The following SCRG1 variants were observed in gnomAD, a reference collection of about 807,000 sequenced individuals.
SCRG1 encodes stimulator of chondrogenesis 1.
A neutral mutation model predicts 7.7 loss-of-function variants in SCRG1; 3 were observed. That is an observed-to-expected ratio of 0.39 (90% CI 0.18 to 1.01). The LOEUF is 1.01. SCRG1 is among the 50% of genes least tolerant of loss of function. The probability of loss-of-function intolerance (pLI) is 0.36; values close to 1 mark genes in which losing one functional copy is unlikely to be tolerated. For missense variants in SCRG1, 110 were observed against 117.2 expected (o/e 0.94, Z 0.28); for synonymous variants, 46 against 41.2 (o/e 1.12, Z -0.44).
At chr4:173,394,512 C>G (rs935582796) in intron 1 of SCRG1, among the ~76,000 whole-genome samples, 4 of 151,978 alleles carry the variant, frequency 2.6e-5, no homozygotes, top group Non-Finnish European at 5.9e-5. Context: ...GGCGTGGTGG[C>G]GAGCGCCTGT....
At chr4:173,425,226 T>C in the SCRG1 span, among the ~76,000 whole-genome samples, 1 of 152,218 alleles carries the variant, frequency 6.6e-6, no homozygotes, top group Non-Finnish European at 1.5e-5. Context: ...TACCAGTAAG[T>C]TGTCAATTTC....
At chr4:173,421,896 CT>C in the SCRG1 span, among the ~76,000 whole-genome samples, 3 of 152,076 alleles carry the variant, frequency 2.0e-5, no homozygotes, top group Non-Finnish European at 4.4e-5. Flanking sequence ...TCTTCCTCTC[CT>C]TTTTGTTTTC....
At chr4:173,409,888 C>T (rs1485494598), upstream of SCRG1, among the ~76,000 whole-genome samples, 1 of 152,068 alleles carries the variant, frequency 6.6e-6, no homozygotes, top group East Asian at 1.9e-4. Context: ...TGCATCCAGC[C>T]TCCCTGCATA....
the SCRG1 span, among the ~76,000 whole-genome samples, chr4:173,417,127 CAG>C: frequency 4.0e-5 from 6 of 151,650 alleles, no homozygotes; most frequent in South Asian, 2.1e-4. Flanking sequence ...CACACACAGA[CAG>C]AGAGACACAC....
chr4:173,502,524 T>C, the SCRG1 span, among the ~76,000 whole-genome samples: 1 of 152,178 alleles, frequency 6.6e-6, no homozygotes, highest in Non-Finnish European at 1.5e-5. This position sits in a 1 kb window ranked among gnomAD's most constrained non-coding sequence, Gnocchi z 4.6. Flanking sequence ...CTGGCTCCTT[T>C]CCTTTCTAAG....
chr4:173,443,898 A>G, the SCRG1 span, among the ~76,000 whole-genome samples: 2 of 151,576 alleles, frequency 1.3e-5, no homozygotes, highest in Admixed American at 1.3e-4. Flanking sequence ...CGTGTCATAT[A>G]TACTGTTAGC....
chr4:173,425,148 T>C, the SCRG1 span, among the ~76,000 whole-genome samples: 1 of 152,192 alleles, frequency 6.6e-6, no homozygotes, highest in Admixed American at 6.5e-5. Context: ...TGTAACATCA[T>C]TGGAAAAACT....
chr4:173,484,346 A>ATAATATT, the SCRG1 span, among the ~76,000 whole-genome samples: 1 of 68,136 alleles, frequency 1.5e-5, no homozygotes, highest in Non-Finnish European at 2.6e-5. Flanking sequence ...AACATATTAT[A>ATAATATT]TAATATATAA....
the SCRG1 span, among the ~76,000 whole-genome samples, chr4:173,481,914 G>T: frequency 6.6e-6 from 1 of 151,928 alleles, no homozygotes. Context: ...TCAGATTTTT[G>T]ACTGCAAGGG....
At chr4:173,417,973 A>G in the SCRG1 span, among the ~76,000 whole-genome samples, 1 of 151,822 alleles carries the variant, frequency 6.6e-6, no homozygotes, top group Non-Finnish European at 1.5e-5. Context: ...AAAAACAAAT[A>G]TTTACTTCTT....
the SCRG1 span, among the ~76,000 whole-genome samples, chr4:173,474,541 T>C: frequency 6.6e-6 from 1 of 152,136 alleles, no homozygotes; most frequent in Non-Finnish European, 1.5e-5. Flanking sequence ...TATATGTGAG[T>C]TTTTGTGATT....
chr4:173,513,131 T>C, the SCRG1 span, among the ~76,000 whole-genome samples: 3 of 152,224 alleles, frequency 2.0e-5, no homozygotes, highest in Non-Finnish European at 4.4e-5. Context: ...CCTTTTCATT[T>C]TGAGTTGGAG....
At chr4:173,397,001 C>T (rs1008789013) in intron 1 of SCRG1, among the ~76,000 whole-genome samples, 11 of 151,898 alleles carry the variant, frequency 7.2e-5, no homozygotes, top group African/African-American at 2.2e-4. Context: ...TGCAGTGAGC[C>T]GAGATTGCAC....
the SCRG1 span, among the ~76,000 whole-genome samples, chr4:173,451,777 T>C: frequency 2.0e-5 from 3 of 152,016 alleles, no homozygotes; most frequent in South Asian, 6.2e-4. Context: ...CAAGAGACTC[T>C]TGTGCTTTTA....
the SCRG1 span, among the ~76,000 whole-genome samples, chr4:173,489,113 A>G: frequency 6.6e-6 from 1 of 152,228 alleles, no homozygotes; most frequent in South Asian, 2.1e-4. Flanking sequence ...ACTGCCAAAT[A>G]TCAACACTGA....
chr4:173,396,457 G>T (rs578098934), intron 1 of SCRG1, among the ~76,000 whole-genome samples: 53 of 152,314 alleles, frequency 3.5e-4, no homozygotes, highest in Non-Finnish European at 1.5e-5. Context: ...CAGCATCAAG[G>T]CAGCAAGGAC....
the SCRG1 span, among the ~76,000 whole-genome samples, chr4:173,499,410 G>A: frequency 6.6e-6 from 1 of 152,234 alleles, no homozygotes; most frequent in Admixed American, 6.5e-5. This position sits in a 1 kb window ranked among gnomAD's most constrained non-coding sequence, Gnocchi z 4.1. Flanking sequence ...TGGGATAGTG[G>A]TTTAGATAAC....
the SCRG1 span, among the ~76,000 whole-genome samples, chr4:173,415,419 A>T: frequency 1.3e-5 from 2 of 152,190 alleles, no homozygotes; most frequent in East Asian, 3.8e-4. Context: ...CCAGCTTAGT[A>T]GATTTAATTT....
chr4:173,401,914 G>A (rs535788834), upstream of SCRG1, among the ~76,000 whole-genome samples: 3 of 152,308 alleles, frequency 2.0e-5, no homozygotes, highest in South Asian at 6.2e-4. Flanking sequence ...CTTTTGAGAA[G>A]GAGTTCAATT....
Sources: gnomAD v4.1 joint callset for allele counts (sites outside exome capture counted in the v4.1 genomes callset) on GRCh38, gnomAD v4.1.1 for gene constraint, Gnocchi (gnomAD v3.1) non-coding constraint, MANE v1.5 for transcripts, NCBI Gene and HGNC (gene_info 2026-07-23, HGNC 2026-07-21) for gene names.